The following JAK2 variants were observed in gnomAD, a reference collection of about 807,000 sequenced individuals.
The protein encoded by JAK2 is tyrosine-protein kinase JAK2.
JAK2 carries 86 observed loss-of-function variants against 139.3 expected under a neutral mutation model. That is an observed-to-expected ratio of 0.62 (90% CI 0.52 to 0.74). JAK2 has a LOEUF of 0.74. JAK2 is among the 30% of genes least tolerant of loss of function. The pLI, the probability that JAK2 is intolerant of heterozygous loss-of-function variation, is 0.00. For missense variants in JAK2, 1,421 were observed against 1,360.3 expected, an observed-to-expected ratio of 1.04 and a Z score of -0.70; for synonymous variants, 490 against 437.7, an observed-to-expected ratio of 1.12 and a Z score of -1.49.
chr9:5,129,521 G>T lies in JAK2; in HGVS notation c.*2730G>T, dbSNP rs547332562. On this transcript the variant is annotated 3_prime_UTR_variant, in exon 25 of 25. Transcript: ENST00000381652. ...CTAATGAAAGTTTCTCTAATTTGGGGGCATAATGTACTAAGAATCAGTTTG... is the reference window on the plus strand; with the variant it reads ...CTAATGAAAGTTTCTCTAATTTGGGTGCATAATGTACTAAGAATCAGTTTG... Among the ~76,000 whole-genome samples, 4 of 151,804 alleles carry T rather than the reference G, an allele frequency of 2.6e-5. No individual in the cohort carries two copies. Among genetic ancestry groups the T allele is most frequent in the Admixed American group, 2.6e-4 (4 of 15,246 alleles).
At chr9:5,055,817 T>A in intron 8 of JAK2, 29 bp downstream of exon 8, 1 of 1,581,498 alleles carries the variant, frequency 6.3e-7, no homozygotes, top group Non-Finnish European at 8.6e-7. Flanking sequence ...TGAATAATGG[T>A]TTCATTTTAT....
At chr9:4,985,788 G>T (rs760422326) in intron 1 of JAK2, among the ~76,000 whole-genome samples, 152 bp from the exon 2 acceptor site, 1 of 152,296 alleles carries the variant, frequency 6.6e-6, no homozygotes, top group Non-Finnish European at 1.5e-5. Flanking sequence ...GAGTCTTGCT[G>T]GTGATATTTG....
intron 4 of JAK2, among the ~76,000 whole-genome samples, chr9:5,037,305 C>A (rs1187781670): frequency 6.6e-6 from 1 of 152,112 alleles, no homozygotes; most frequent in Non-Finnish European, 1.5e-5. Context: ...GTGGCGATTC[C>A]TCAGGGATCT....
At chr9:5,029,957 G>T (rs1823036084) in intron 4 of JAK2, 51 bp downstream of exon 4, 1 of 1,491,698 alleles carries the variant, frequency 6.7e-7, no homozygotes, top group Non-Finnish European at 9.0e-7. Flanking sequence ...CAAAATGGGA[G>T]AAATTATCAA....
intron 22 of JAK2, among the ~76,000 whole-genome samples, chr9:5,107,007 G>T (rs1354732594): frequency 1.3e-5 from 2 of 152,112 alleles, no homozygotes; most frequent in Non-Finnish European, 2.9e-5. Context: ...TTGTGCACAT[G>T]TACCCTAGAA....
At chr9:5,082,840 AAC>A (rs754185926) in intron 19 of JAK2, among the ~76,000 whole-genome samples, 2 of 152,212 alleles carry the variant, frequency 1.3e-5, no homozygotes, top group Non-Finnish European at 2.9e-5. Context: ...GATTCCATAC[AAC>A]ACATATTTTT....
chr9:5,023,651 C>G (rs566687704), intron 3 of JAK2, among the ~76,000 whole-genome samples: 48 of 152,144 alleles, frequency 3.2e-4, no homozygotes, highest in Non-Finnish European at 6.8e-4. Context: ...CTTGCCAATC[C>G]CGGCTGGGCA....
At chr9:4,997,733 TAGG>T (rs1168235313) in intron 2 of JAK2, among the ~76,000 whole-genome samples, 1 of 152,200 alleles carries the variant, frequency 6.6e-6, no homozygotes, top group Non-Finnish European at 1.5e-5. Context: ...AAAGATTCAT[TAGG>T]AGTGGATTTT....
Position 5,129,003 on chromosome 9 carries a change from G to A in JAK2, c.*2212G>A, listed in dbSNP as rs780557016. On this transcript the variant is annotated 3_prime_UTR_variant, in exon 25 of 25. Coordinates refer to ENST00000381652, the MANE Select transcript of JAK2 (RefSeq NM_004972.4). ...GTTTGGAAAATAGTCACTTTTTCAC[G>A]CTATTTATATATGCTGCCAGTAACA... Among the ~76,000 whole-genome samples, 2 of 151,908 alleles carry A rather than the reference G, an allele frequency of 1.3e-5. No homozygotes were observed. Among genetic ancestry groups the A allele is most frequent in the East Asian group, 1.9e-4 (1 of 5,188 alleles).
chr9:4,999,595 G>C (rs1462333827), intron 2 of JAK2, among the ~76,000 whole-genome samples: 2 of 152,192 alleles, frequency 1.3e-5, no homozygotes, highest in Admixed American at 1.3e-4. Context: ...ACAATAGGCT[G>C]TCTGCAAGCT....
At position 5,127,276 on chromosome 9, in the gene JAK2, ATTAC is replaced by A. The variant is rs1024664744; in HGVS notation, c.*488_*491del. 8.6e-6 allele frequency: 2 copies of A among 232,404 alleles called. No individual in the cohort carries two copies. The highest frequency in any genetic ancestry group is 1.7e-5 in the Non-Finnish European group (2 of 117,238). 14.4% of individuals were successfully genotyped at this position (232,404 alleles called of 1,614,324 possible). On this transcript the variant is annotated 3_prime_UTR_variant, in exon 25 of 25. Coordinates refer to ENST00000381652, the MANE Select transcript of JAK2 (RefSeq NM_004972.4). ...TTTTTCCATAGTTAATCTATAATTAATTACTTCACTATACAAACAAATTAAGATG... is the reference window on the plus strand; with the variant it reads ...TTTTTCCATAGTTAATCTATAATTAATTCACTATACAAACAAATTAAGATG...
intron 2 of JAK2, among the ~76,000 whole-genome samples, chr9:4,996,912 C>T: frequency 7.0e-6 from 1 of 143,566 alleles, no homozygotes; most frequent in African/African-American, 2.6e-5. Flanking sequence ...TCCTTTTACT[C>T]TTCTGTTAGT....
In JAK2 at chr9:5,127,013, G is replaced by C. The variant is rs968106029; in HGVS notation, c.*222G>C. 6 of 310,016 alleles carry C rather than the reference G, an allele frequency of 1.9e-5. No homozygotes were observed. The highest frequency in any genetic ancestry group is 4.3e-5 in the African/African-American group (2 of 46,678). The allele number at this position is 310,016 out of a possible 1,614,324, so 19.2% of individuals were successfully genotyped here. ...ATGAGAATTCCTTAGCAAGGATTTT[G>C]TAAGAAGTTTCTTAAACATTGTCAG... is the stretch of plus-strand genomic sequence containing the variant. On this transcript the variant is annotated 3_prime_UTR_variant, in exon 25 of 25. Coordinates refer to ENST00000381652, the MANE Select transcript of JAK2 (RefSeq NM_004972.4).
chr9:5,066,610 A>G (rs1322952046), intron 9 of JAK2, 68 bp from the exon 10 acceptor site: 6 of 859,630 alleles, frequency 7.0e-6, no homozygotes, highest in African/African-American at 1.7e-5. Context: ...TGATTGTTTT[A>G]GATGACACTT....
intron 4 of JAK2, chr9:5,040,846 C>T (rs917988748): frequency 9.2e-6 from 2 of 216,714 alleles, no homozygotes; most frequent in Non-Finnish European, 1.9e-5. Flanking sequence ...AGAGCCCCAG[C>T]GCGAGCAGGA....
In JAK2 at chr9:5,129,726, G is replaced by T. The variant is rs1275542366; in HGVS notation, c.*2935G>T. Among the ~76,000 whole-genome samples, 1 of 152,088 alleles carries T rather than the reference G, an allele frequency of 6.6e-6. No homozygotes were observed. Among genetic ancestry groups the T allele is most frequent in the Non-Finnish European group, 1.5e-5 (1 of 67,978 alleles). ...TAATATCAAGATAACTAGCTGCTAAGCGTTTCATAATTCTCACAGTGATAT... is the reference window on the plus strand; with the variant it reads ...TAATATCAAGATAACTAGCTGCTAATCGTTTCATAATTCTCACAGTGATAT... On this transcript the variant is annotated 3_prime_UTR_variant, in exon 25 of 25. Coordinates refer to ENST00000381652, the MANE Select transcript of JAK2 (RefSeq NM_004972.4).
rs775872666 is a variant in JAK2, at chr9:5,050,690, G to A, written c.473G>A (p.Arg158Gln). 7.4e-6 allele frequency: 12 copies of A among 1,611,274 alleles called. No homozygotes were observed. Among genetic ancestry groups the A allele is most frequent in the South Asian group, 1.1e-5 (1 of 90,486 alleles). ...FVMSYLFAQW[R>Q]HDFVHGWIKV... ...CCTTCAAATTTTTGGTTTTAGTGGCGGCATGATTTTGTGCACGGATGGATA... is the reference window on the plus strand; with the variant it reads ...CCTTCAAATTTTTGGTTTTAGTGGCAGCATGATTTTGTGCACGGATGGATA... Residue 158 changes from arginine to glutamine, a missense_variant, in exon 6 of 25, where the codon CGG becomes CAG. Physicochemically the swap from Arg to Gln is conservative, Grantham distance 43 (BLOSUM62 1). Coordinates refer to ENST00000381652, the MANE Select transcript of JAK2 (RefSeq NM_004972.4).
At chr9:5,029,630 T>G (rs1823010556) in intron 3 of JAK2, among the ~76,000 whole-genome samples, 153 bp from the exon 4 acceptor site, 1 of 152,214 alleles carries the variant, frequency 6.6e-6, no homozygotes. Context: ...ATAATTCAGT[T>G]GTAGGGGTTG....
intron 3 of JAK2, among the ~76,000 whole-genome samples, chr9:5,024,941 C>G (rs1352735510): frequency 6.6e-6 from 1 of 152,168 alleles, no homozygotes; most frequent in Non-Finnish European, 1.5e-5. Flanking sequence ...CAAGACTTTG[C>G]TTAACTAGGG....
Sources: allele counts gnomAD v4.1 joint callset (sites outside exome capture counted in the v4.1 genomes callset), GRCh38; gene constraint gnomAD v4.1.1; transcripts MANE v1.5; gene names NCBI Gene and HGNC (gene_info 2026-07-23, HGNC 2026-07-21).